Variants in GMDS observed in about 807,000 individuals in gnomAD.
GMDS encodes GDP-mannose 4,6-dehydratase.
Under a neutral mutation model 49.9 loss-of-function variants are expected in GMDS, and 20 were observed. That is an observed-to-expected ratio of 0.40 (90% CI 0.28 to 0.58). The LOEUF (loss-of-function observed/expected upper bound fraction) is 0.58. Ranked by LOEUF, GMDS falls within the 20% of genes least tolerant of loss-of-function variation. The pLI is 0.42. For missense variants in GMDS, 362 were observed against 481.4 expected (o/e 0.75, Z 2.32); for synonymous variants, 177 against 178.6 (o/e 0.99, Z 0.07).
chr6:2,020,616 A>AT (rs944216406), intron 4 of GMDS, among the ~76,000 whole-genome samples: 5 of 152,050 alleles, frequency 3.3e-5, no homozygotes, highest in East Asian at 1.9e-4. Context: ...CCAGAGGCAT[A>AT]TTTTTTTTAA....
chr6:2,060,288 C>T (rs1203406585), intron 4 of GMDS, among the ~76,000 whole-genome samples: 1 of 152,190 alleles, frequency 6.6e-6, no homozygotes, highest in South Asian at 2.1e-4. Flanking sequence ...CAGAAGAGGC[C>T]TCCATGATGC....
intron 7 of GMDS, among the ~76,000 whole-genome samples, chr6:1,747,468 A>G (rs373405540): frequency 0.2 from 1,630 of 8,178 alleles, 22 homozygotes; most frequent in African/African-American, 0.38. Flanking sequence ...CTACACACAC[A>G]CACACGCTCA....
chr6:2,048,501 A>C (rs906495951), intron 4 of GMDS, among the ~76,000 whole-genome samples: 1 of 152,178 alleles, frequency 6.6e-6, no homozygotes, highest in African/African-American at 2.4e-5. Context: ...TTCCTTCAAG[A>C]CTGTATTGAC....
chr6:2,006,266 TA>T (rs11353369), intron 4 of GMDS, among the ~76,000 whole-genome samples: 69,599 of 147,330 alleles, frequency 0.47, 16,513 homozygotes, highest in African/African-American at 0.56. Context: ...TGCAAACAAT[TA>T]AAAAAAAAAA....
At chr6:2,207,409 G>A (rs1178492664) in intron 1 of GMDS, among the ~76,000 whole-genome samples, 4 of 152,004 alleles carry the variant, frequency 2.6e-5, no homozygotes, top group Admixed American at 6.5e-5. Context: ...TTACTGCTAA[G>A]GAAGCTGGAA....
intron 7 of GMDS, among the ~76,000 whole-genome samples, chr6:1,842,704 T>A (rs1757201287): frequency 6.6e-6 from 1 of 152,212 alleles, no homozygotes; most frequent in African/African-American, 2.4e-5. Context: ...AAATTTTCTG[T>A]TACTTGAAGC....
At chr6:2,031,891 T>C (rs1561990819) in intron 4 of GMDS, among the ~76,000 whole-genome samples, 4 of 152,238 alleles carry the variant, frequency 2.6e-5, no homozygotes, top group Admixed American at 2.0e-4. Context: ...TTCTGGCCTC[T>C]ATAGTTTTAA....
chr6:2,009,498 G>A (rs1581508661), intron 4 of GMDS, among the ~76,000 whole-genome samples: 1 of 152,152 alleles, frequency 6.6e-6, no homozygotes, highest in South Asian at 2.1e-4. Context: ...TCCCAGCTGG[G>A]AACTTTTCAC....
intron 7 of GMDS, among the ~76,000 whole-genome samples, chr6:1,760,588 C>T (rs538374651): frequency 2.6e-5 from 4 of 152,256 alleles, no homozygotes; most frequent in African/African-American, 9.6e-5. Context: ...CACCCTTGAG[C>T]GCCTCTAAAG....
chr6:2,115,711 C>T, intron 4 of GMDS, 60 bp downstream of exon 4: 1 of 860,394 alleles, frequency 1.2e-6, no homozygotes, highest in Non-Finnish European at 2.0e-6. Flanking sequence ...GCAGCAGACA[C>T]AAGTAAAATA....
rs2127605519 is a variant in GMDS, at chr6:2,245,181, C to G, written c.102+140G>C. Reference sequence around the variant, plus strand: ...ACACTAACTGCACCGTACCTTCCGTCCCACCTCCCGGCAGCAGACCCCTTC... The same window carrying G: ...ACACTAACTGCACCGTACCTTCCGTGCCACCTCCCGGCAGCAGACCCCTTC... On this transcript the variant is annotated intron_variant, in intron 1 of 10. Transcript: ENST00000380815. 3 of 643,636 alleles carry G rather than the reference C, an allele frequency of 4.7e-6. No homozygotes were observed. The South Asian group carries it at 5.0e-5, about 11-fold the overall frequency. 39.9% of individuals were successfully genotyped at this position (643,636 alleles called of 1,614,324 possible). A position where few individuals can be genotyped will look rare whatever the true frequency, so the allele number is the denominator to read the frequency against.
At chr6:1,958,685 G>T (rs763178955) in intron 6 of GMDS, among the ~76,000 whole-genome samples, 1 of 152,102 alleles carries the variant, frequency 6.6e-6, no homozygotes, top group Non-Finnish European at 1.5e-5. Context: ...TTCATGACTT[G>T]TTGGTGTAAT....
In GMDS at chr6:2,138,013, G is replaced by C. The variant is rs146799570; in HGVS notation, c.103-13282C>G. ...CCAATAAATACAGAATTCGGTCTAA[G>C]AGAGCTGGGTCAACTGTAATAGAAA... On this transcript the variant is annotated intron_variant, in intron 1 of 10. Coordinates refer to ENST00000380815, the MANE Select transcript of GMDS (RefSeq NM_001500.4). Among the ~76,000 whole-genome samples the C allele has an allele frequency of 5.7e-3, 865 of 152,312 alleles. 2 individuals are homozygous for C. Among genetic ancestry groups the C allele is most frequent in the Middle Eastern group, 0.017 (5 of 294 alleles).
chr6:2,188,829 T>C (rs1343172984), intron 1 of GMDS, among the ~76,000 whole-genome samples: 2 of 151,928 alleles, frequency 1.3e-5, no homozygotes, highest in Non-Finnish European at 2.9e-5. Context: ...GAGCCACAGG[T>C]GAGGACGTGG....
intron 1 of GMDS, among the ~76,000 whole-genome samples, chr6:2,153,125 A>G (rs1199976493): frequency 6.6e-6 from 1 of 152,250 alleles, no homozygotes; most frequent in Non-Finnish European, 1.5e-5. Context: ...TCAATAAATT[A>G]TGCTTGGAAA....
Position 2,213,900 on chromosome 6 carries a change from C to G in GMDS, c.102+31421G>C, listed in dbSNP as rs150520312. Among the ~76,000 whole-genome samples, 109 of 152,322 alleles carry G rather than the reference C, an allele frequency of 7.2e-4. 1 individual carries two copies. The highest frequency in any genetic ancestry group is 2.4e-3 in the African/African-American group (99 of 41,562). On this transcript the variant is annotated intron_variant, in intron 1 of 10. Coordinates refer to ENST00000380815, the MANE Select transcript of GMDS (RefSeq NM_001500.4). ...AAAACAAGTACTTTAGCAGCAACGTCAAGATGACCTACGGAGTGTTAATTT... is the reference window on the plus strand; with the variant it reads ...AAAACAAGTACTTTAGCAGCAACGTGAAGATGACCTACGGAGTGTTAATTT...
intron 6 of GMDS, among the ~76,000 whole-genome samples, chr6:1,934,980 A>C (rs1295455440): frequency 6.6e-6 from 1 of 152,246 alleles, no homozygotes; most frequent in Non-Finnish European, 1.5e-5. Flanking sequence ...GCTAAGCCAC[A>C]GTGCAATGCA....
chr6:2,180,024 G>C (rs747932588), intron 1 of GMDS, among the ~76,000 whole-genome samples: 5 of 152,142 alleles, frequency 3.3e-5, no homozygotes, highest in Admixed American at 6.5e-5. Flanking sequence ...ACAAAGAACA[G>C]GTTAACTGCA....
chr6:2,164,403 A>C (rs1777558218), intron 1 of GMDS, among the ~76,000 whole-genome samples: 1 of 152,164 alleles, frequency 6.6e-6, no homozygotes. Flanking sequence ...GAGCCGTGGT[A>C]AAGGTGGGTC....
Sources: gnomAD v4.1 joint callset for allele counts (sites outside exome capture counted in the v4.1 genomes callset) on GRCh38, gnomAD v4.1.1 for gene constraint, MANE v1.5 for transcripts, NCBI Gene and HGNC (gene_info 2026-07-23, HGNC 2026-07-21) for gene names.